BCKDHB: variants seen among roughly 807,000 people sequenced by gnomAD.
BCKDHB encodes the protein branched chain keto acid dehydrogenase E1 subunit beta, also known as 2-oxoisovalerate dehydrogenase subunit beta, mitochondrial.
BCKDHB carries 41 observed loss-of-function variants against 48.5 expected under a neutral mutation model. That is an observed-to-expected ratio of 0.85 (90% CI 0.66 to 1.10). The LOEUF is 1.10. Ranked by LOEUF, BCKDHB falls within the 50% of genes least tolerant of loss-of-function variation. The pLI is 0.00. For missense variants in BCKDHB, 496 were observed against 494.2 expected (o/e 1.00, Z -0.03); for synonymous variants, 201 against 174.8 (o/e 1.15, Z -1.18).
chr6:80,353,952 A>C, the BCKDHB span, among the ~76,000 whole-genome samples: 1 of 152,174 alleles, frequency 6.6e-6, no homozygotes, highest in African/African-American at 2.4e-5. Context: ...TGATGTTGAG[A>C]ATTTTCATAC....
Position 80,281,121 on chromosome 6 carries a change from G to T in BCKDHB, c.1038+7900G>T, listed in dbSNP as rs187233159. ...AAATGTGTTTCTGGAGCTCAGGAGA[G>T]AATCTAAGGTGTAGGAAATGGGTAA... On this transcript the variant is annotated intron_variant, in intron 9 of 9. Transcript: ENST00000320393. Among the ~76,000 whole-genome samples the T allele has an allele frequency of 3.3e-5, 5 of 152,088 alleles. No individual in the cohort carries two copies. In the East Asian group the frequency reaches 9.7e-4, roughly 29 times the overall value.
chr6:80,322,250 TTTTTTG>T (rs1213186152), intron 9 of BCKDHB, among the ~76,000 whole-genome samples: 1 of 117,328 alleles, frequency 8.5e-6, no homozygotes, highest in African/African-American at 3.4e-5. Flanking sequence ...TTTTTTTTTT[TTTTTTG>T]GTGACGGAGT....
the BCKDHB span, among the ~76,000 whole-genome samples, chr6:80,382,715 T>C: frequency 6.6e-6 from 1 of 152,174 alleles, no homozygotes; most frequent in Non-Finnish European, 1.5e-5. Context: ...CATTTCCATT[T>C]GAAATAGTCC....
At chr6:80,210,815 T>A (rs1774897463) in intron 8 of BCKDHB, among the ~76,000 whole-genome samples, 1 of 152,138 alleles carries the variant, frequency 6.6e-6, no homozygotes. Flanking sequence ...AGGGCTGTTC[T>A]CTCTCAAGCC....
chr6:80,219,014 CT>C (rs903061351), intron 8 of BCKDHB, among the ~76,000 whole-genome samples: 12 of 151,864 alleles, frequency 7.9e-5, no homozygotes, highest in African/African-American at 2.9e-4. Flanking sequence ...AATGGTTTGC[CT>C]TTTAAATTAG....
At chr6:80,244,865 T>G (rs1199905988) in intron 8 of BCKDHB, among the ~76,000 whole-genome samples, 1 of 152,168 alleles carries the variant, frequency 6.6e-6, no homozygotes, top group Non-Finnish European at 1.5e-5. Context: ...GAATATTGGT[T>G]TAAAATATGC....
At chr6:80,457,087 G>A in the BCKDHB span, among the ~76,000 whole-genome samples, 23 of 152,136 alleles carry the variant, frequency 1.5e-4, no homozygotes, top group South Asian at 4.6e-3. Flanking sequence ...TCCTTTTTCC[G>A]ATAAGTAGCT....
chr6:80,325,148 GAATAT>G (rs375033544), intron 9 of BCKDHB, among the ~76,000 whole-genome samples: 168 of 152,088 alleles, frequency 1.1e-3, no homozygotes, highest in Non-Finnish European at 2.0e-3. Context: ...TGGTGTTTTA[GAATAT>G]AATATAATAA....
chr6:80,427,160 T>A, the BCKDHB span, among the ~76,000 whole-genome samples: 2 of 152,242 alleles, frequency 1.3e-5, no homozygotes, highest in South Asian at 4.1e-4. Flanking sequence ...TATAGCTGTT[T>A]TAGCTTTCTT....
chr6:80,256,116 A>T (rs1181113391), intron 8 of BCKDHB, among the ~76,000 whole-genome samples: 1 of 152,218 alleles, frequency 6.6e-6, no homozygotes. Flanking sequence ...AATAAAATGC[A>T]GAGTTAGAAA....
chr6:80,273,219 C>G lies in BCKDHB; in HGVS notation c.1036C>G (p.Gln346Glu). 6.2e-7 allele frequency: 1 copy of G among 1,612,576 alleles called. No individual in the cohort carries two copies. Among genetic ancestry groups the G allele is most frequent in the Non-Finnish European group, 8.5e-7 (1 of 1,178,872 alleles). ...GFASEISSTV[Q>E]EECFLNLEAP... ...TGCATCGGAAATCAGCTCTACAGTTCAGGTAGAGTAATTTTTGGAACTGAT... is the reference window on the plus strand; with the variant it reads ...TGCATCGGAAATCAGCTCTACAGTTGAGGTAGAGTAATTTTTGGAACTGAT... Residue 346 changes from glutamine (Q) to glutamate (E), a missense_variant and splice_region_variant, in exon 9 of 10, where the codon CAG becomes GAG. Transcript: ENST00000320393.
At chr6:80,375,276 G>A in the BCKDHB span, among the ~76,000 whole-genome samples, 4 of 152,054 alleles carry the variant, frequency 2.6e-5, no homozygotes, top group African/African-American at 9.7e-5. Flanking sequence ...TTCTTCCTTG[G>A]GAACACCAAT....
chr6:80,429,831 C>A, the BCKDHB span, among the ~76,000 whole-genome samples: 1 of 152,218 alleles, frequency 6.6e-6, no homozygotes. Context: ...TTGACTTCCT[C>A]TTTTCCTATT....
chr6:80,406,431 A>G, the BCKDHB span, among the ~76,000 whole-genome samples: 3 of 152,220 alleles, frequency 2.0e-5, no homozygotes, highest in Non-Finnish European at 4.4e-5. Context: ...GAATCACCAC[A>G]CTGTCTTCCA....
intron 1 of BCKDHB, among the ~76,000 whole-genome samples, chr6:80,116,432 A>G (rs1463699097): frequency 6.6e-6 from 1 of 152,180 alleles, no homozygotes; most frequent in Non-Finnish European, 1.5e-5. Flanking sequence ...TTTATTTAGC[A>G]CCTATTACAT....
chr6:80,435,205 T>G, the BCKDHB span, among the ~76,000 whole-genome samples: 1 of 152,226 alleles, frequency 6.6e-6, no homozygotes, highest in Middle Eastern at 3.2e-3. Context: ...AACAATTACG[T>G]CACATGAACC....
chr6:80,204,425 C>G (rs1426384065), intron 8 of BCKDHB, among the ~76,000 whole-genome samples: 1 of 152,008 alleles, frequency 6.6e-6, no homozygotes, highest in African/African-American at 2.4e-5. Flanking sequence ...ACGCTTTTTG[C>G]AGGCATTTTC....
intron 9 of BCKDHB, among the ~76,000 whole-genome samples, chr6:80,290,515 G>T (rs1375693137): frequency 6.6e-6 from 1 of 152,174 alleles, no homozygotes; most frequent in African/African-American, 2.4e-5. Flanking sequence ...TCATGGTGGG[G>T]TATTAACTTA....
At chr6:80,287,137 C>G (rs1236302417) in intron 9 of BCKDHB, among the ~76,000 whole-genome samples, 1 of 152,128 alleles carries the variant, frequency 6.6e-6, no homozygotes, top group East Asian at 1.9e-4. Context: ...TTCCTAAATT[C>G]TTATTTACTT....
Sources: gnomAD v4.1 joint callset for allele counts (sites outside exome capture counted in the v4.1 genomes callset) on GRCh38, gnomAD v4.1.1 for gene constraint, MANE v1.5 for transcripts, NCBI Gene and HGNC (gene_info 2026-07-23, HGNC 2026-07-21) for gene names.